MZT2B: variants seen among roughly 807,000 people sequenced by gnomAD.
MZT2B encodes the protein mitotic-spindle organizing protein 2B.
MZT2B carries 11 observed loss-of-function variants against 12.1 expected under a neutral mutation model. The observed-to-expected ratio is 0.91, with a 90% CI of 0.57 to 1.50. The LOEUF is 1.50. MZT2B is among the 40% of genes most tolerant of loss of function. The pLI, the probability that MZT2B is intolerant of heterozygous loss-of-function variation, is 0.00. For missense variants in MZT2B, 209 were observed against 227.7 expected (o/e 0.92, Z 0.53); for synonymous variants, 85 against 109.5 (o/e 0.78, Z 1.40).
chr2:130,183,379 A>G (rs1194788063), intron 2 of MZT2B, among the ~76,000 whole-genome samples: 1 of 152,114 alleles, frequency 6.6e-6, no homozygotes, highest in African/African-American at 2.4e-5. Flanking sequence ...AGAGAGTCAG[A>G]CGCGGAACTC....
In MZT2B at chr2:130,182,324, GC is replaced by G; in HGVS notation, c.47del (p.Pro16ArgfsTer18). The part of the protein sequence containing the change: ...GVGPGPGSAA[P>X]PGLEAARQKL... ...TAGGGCCTGGGCCGGGGTCGGCGGC[GC>G]CCCCGGGGCTGGAGGCGGCCCGGCA... On this transcript the variant is annotated frameshift_variant, in exon 1 of 3. Coordinates refer to ENST00000281871, the MANE Select transcript of MZT2B (RefSeq NM_025029.5). LOFTEE classifies it high-confidence loss of function. 4 of 1,518,986 alleles carry G rather than the reference GC, an allele frequency of 2.6e-6. No homozygotes were observed. Among genetic ancestry groups the G allele is most frequent in the African/African-American group, 1.4e-5 (1 of 70,500 alleles). The allele number at this position is 1,518,986 out of a possible 1,614,324, so 94.1% of individuals were successfully genotyped here.
chr2:130,196,337 C>G, the MZT2B span: 1 of 1,613,976 alleles, frequency 6.2e-7, no homozygotes, highest in Non-Finnish European at 8.5e-7. Context: ...GATCTGGACA[C>G]CCGCCTGCCC....
At chr2:130,203,292 C>T in the MZT2B span, among the ~76,000 whole-genome samples, 51 of 152,278 alleles carry the variant, frequency 3.3e-4, no homozygotes, top group African/African-American at 1.0e-3. Context: ...GTGGGCTGGG[C>T]GGCCTCTCAT....
At chr2:130,196,083 C>T in the MZT2B span, 2 of 1,424,224 alleles carry the variant, frequency 1.4e-6, no homozygotes, top group Non-Finnish European at 1.9e-6. Context: ...AAGGAGCCCA[C>T]ACGGGGCTTT....
At chr2:130,200,778 AC>A in the MZT2B span, among the ~76,000 whole-genome samples, 16,302 of 141,124 alleles carry the variant, frequency 0.12, no homozygotes, top group African/African-American at 0.3. Context: ...ATTTTTTGAC[AC>A]TGGTTCTCAC....
the MZT2B span, among the ~76,000 whole-genome samples, chr2:130,200,803 C>T: frequency 1.3e-5 from 2 of 152,244 alleles, no homozygotes; most frequent in Admixed American, 1.3e-4. Context: ...GTTGACCAGG[C>T]TGGACTCAAA....
chr2:130,193,821 T>G (rs758084554), downstream of MZT2B: 3 of 1,613,102 alleles, frequency 1.9e-6, no homozygotes, highest in Admixed American at 3.3e-5. Context: ...ACAAACTGGA[T>G]AGTGCGCTTG....
intron 2 of MZT2B, chr2:130,183,410 G>T: frequency 5.3e-6 from 2 of 378,354 alleles, no homozygotes; most frequent in South Asian, 4.7e-5. Flanking sequence ...GAGGCCTGCG[G>T]GGTCTGAAGG....
At chr2:130,198,147 C>A in the MZT2B span, among the ~76,000 whole-genome samples, 1 of 122,974 alleles carries the variant, frequency 8.1e-6, no homozygotes, top group African/African-American at 2.9e-5. Flanking sequence ...CCACTAAAGG[C>A]CGGCAGCTTC....
downstream of MZT2B, among the ~76,000 whole-genome samples, chr2:130,190,961 T>C (rs1319900609): frequency 1.3e-5 from 2 of 151,938 alleles, no homozygotes; most frequent in Non-Finnish European, 2.9e-5. Flanking sequence ...GTTTTTTTGG[T>C]TTTTTTGAAA....
At chr2:130,193,846 G>A (rs771204913), downstream of MZT2B, 75 of 1,614,006 alleles carry the variant, frequency 4.6e-5, no homozygotes, top group Middle Eastern at 4.9e-4. Flanking sequence ...TGATGGTGGC[G>A]ATGGCCGCAT....
the MZT2B span, chr2:130,202,403 C>A: frequency 3.1e-6 from 4 of 1,290,842 alleles, no homozygotes; most frequent in East Asian, 5.5e-5. Flanking sequence ...AGAAGCAGCA[C>A]CGCATGGTGT....
upstream of MZT2B, chr2:130,182,056 G>A (rs1000536099): frequency 9.6e-5 from 129 of 1,348,244 alleles, no homozygotes; most frequent in Admixed American, 2.8e-4. Flanking sequence ...GGACCCCTGC[G>A]GTCCGCCATG....
At chr2:130,197,371 C>T in the MZT2B span, among the ~76,000 whole-genome samples, 1,057 of 121,732 alleles carry the variant, frequency 8.7e-3, 102 homozygotes, top group African/African-American at 0.029. Context: ...CCTGTAGTAC[C>T]AGCTACTCGG....
chr2:130,184,841 C>T lies in MZT2B; in HGVS notation c.319+2066C>T, dbSNP rs1303978643. 7.1e-6 allele frequency: 7 copies of T among 985,258 alleles called. No individual in the cohort carries two copies. The African/African-American group carries it at 1.2e-4, about 17-fold the overall frequency. The allele number at this position is 985,258 out of a possible 1,614,324, so 61.0% of individuals were successfully genotyped here. On this transcript the variant is annotated intron_variant, in intron 2 of 2. Transcript: ENST00000281871. ...GTGTGGCAGGGAAGTGAGATGATCACACTCAGAGCCCAGTGAGAGGCAGTG... is the reference window on the plus strand; with the variant it reads ...GTGTGGCAGGGAAGTGAGATGATCATACTCAGAGCCCAGTGAGAGGCAGTG...
At chr2:130,201,595 G>GA in the MZT2B span, among the ~76,000 whole-genome samples, 1 of 152,138 alleles carries the variant, frequency 6.6e-6, no homozygotes, top group Non-Finnish European at 1.5e-5. Flanking sequence ...GGCGGGGGGG[G>GA]ACACCATTCA....
downstream of MZT2B, among the ~76,000 whole-genome samples, chr2:130,194,924 T>C (rs3863902): frequency 0.056 from 8,568 of 152,216 alleles, 757 homozygotes; most frequent in African/African-American, 0.19. Flanking sequence ...GTAATCCACC[T>C]GCTTTAGCCT....
intron 2 of MZT2B, chr2:130,183,916 G>C (rs745566959): frequency 2.6e-6 from 4 of 1,550,480 alleles, no homozygotes; most frequent in South Asian, 2.4e-5. Context: ...CTCTCTCCAG[G>C]CCCCCCGGGT....
intron 2 of MZT2B, among the ~76,000 whole-genome samples, 156 bp from the exon 3 acceptor site, chr2:130,190,313 T>C (rs1690217247): frequency 6.6e-6 from 1 of 152,260 alleles, no homozygotes; most frequent in South Asian, 2.1e-4. Context: ...TTAGTGGTTC[T>C]GAGTCTCAGG....
Sources: gnomAD v4.1 joint callset for allele counts (sites outside exome capture counted in the v4.1 genomes callset) on GRCh38, gnomAD v4.1.1 for gene constraint, MANE v1.5 for transcripts, NCBI Gene and HGNC (gene_info 2026-07-23, HGNC 2026-07-21) for gene names.